Variants in PSG7 observed in about 807,000 individuals in gnomAD.
PSG7 encodes the protein pregnancy specific beta-1-glycoprotein 7, also known as pregnancy-specific beta-1-glycoprotein 7.
PSG7 carries 57 observed loss-of-function variants against 45.6 expected under a neutral mutation model. The observed-to-expected ratio is 1.25, with a 90% CI of 1.01 to 1.56. PSG7 has a LOEUF of 1.56. Ranked by LOEUF, PSG7 falls within the 40% of genes most tolerant of loss-of-function variation. PSG7 has a pLI of 0.00. For synonymous variants in PSG7, 298 were observed against 194.4 expected, an observed-to-expected ratio of 1.53 and a Z score of -4.43; for missense variants, 796 against 508.4, an observed-to-expected ratio of 1.57 and a Z score of -5.44.
Position 42,933,650 on chromosome 19 carries a change from G to A in PSG7, c.430+1754C>T, listed in dbSNP as rs948423521. 2.6e-4 allele frequency among the ~76,000 whole-genome samples: 39 copies of A among 150,798 alleles called. 2 individuals are homozygous for A. The highest frequency in any genetic ancestry group is 4.4e-5 in the Non-Finnish European group (3 of 67,738). On this transcript the variant is annotated intron_variant, in intron 2 of 5. Coordinates refer to ENST00000406070, the MANE Select transcript of PSG7 (RefSeq NM_002783.3). ...TGTCTGCGGAAGGCCTAGCAGTGGAGGAAGAAGCTGTGCAGGACAGGGCTT... is the reference window on the plus strand; with the variant it reads ...TGTCTGCGGAAGGCCTAGCAGTGGAAGAAGAAGCTGTGCAGGACAGGGCTT...
chr19:42,925,636 G>T, intron 5 of PSG7, 137 bp downstream of exon 5: 11 of 1,550,296 alleles, frequency 7.1e-6, no homozygotes, highest in South Asian at 1.3e-5. Context: ...AATTTGGAGG[G>T]TTCAGGAGGA....
chr19:42,926,140 G>A, intron 4 of PSG7, 113 bp from the exon 5 acceptor site: 2 of 1,497,298 alleles, frequency 1.3e-6, no homozygotes, highest in Non-Finnish European at 9.0e-7. Context: ...TCAAGTGACA[G>A]CCAAATCCCC....
chr19:42,924,525 T>C lies in PSG7; in HGVS notation c.*283A>G, dbSNP rs532290368. The C allele has an allele frequency of 6.8e-6, 4 of 588,980 alleles. No homozygotes were observed. The highest frequency in any genetic ancestry group is 3.0e-5 in the Admixed American group (1 of 33,454). 36.5% of individuals were successfully genotyped at this position (588,980 alleles called of 1,614,324 possible). A position where few individuals can be genotyped will look rare whatever the true frequency, so the allele number is the denominator to read the frequency against. ...CACAAGCAAGGACAGCTAAGAGGGG[T>C]GAGAGCCTCATCATGATGGGGAGTC... On this transcript the variant is annotated 3_prime_UTR_variant, in exon 6 of 6. Coordinates refer to ENST00000406070, the MANE Select transcript of PSG7 (RefSeq NM_002783.3).
rs1214914675 is a variant in PSG7, at chr19:42,936,959, A to G, written c.64+54T>C. On this transcript the variant is annotated intron_variant, in intron 1 of 5. Coordinates refer to ENST00000406070, the MANE Select transcript of PSG7 (RefSeq NM_002783.3). ...AACCCCATCCTCTCTAGGAGACCCC[A>G]TCCAGTCACTCTGCTTCCTTTTCCT... is the stretch of plus-strand genomic sequence containing the variant. 15 of 1,601,214 alleles carry G rather than the reference A, an allele frequency of 9.4e-6. No individual in the cohort carries two copies. The East Asian group carries it at 1.8e-4, about 19-fold the overall frequency.
intron 2 of PSG7, among the ~76,000 whole-genome samples, chr19:42,935,099 C>G (rs988492516): frequency 6.6e-6 from 1 of 151,792 alleles, no homozygotes; most frequent in African/African-American, 2.4e-5. Flanking sequence ...CAGGGTCTTT[C>G]TCAGGGTCAA....
chr19:42,927,050 A>C (rs931006160), intron 3 of PSG7: 34 of 383,058 alleles, frequency 8.9e-5, no homozygotes, highest in Admixed American at 2.4e-4. Flanking sequence ...CCCTGGGTTC[A>C]TTACCTGGAA....
In PSG7 at chr19:42,924,775, G is replaced by T. The variant is rs1441061792; in HGVS notation, c.*33C>A. ...TGGGTCTTGCTCTTTGAGGTTCCATGGGAGAAGATGGAATTGGAGGAACTA... is the reference window on the plus strand; with the variant it reads ...TGGGTCTTGCTCTTTGAGGTTCCATTGGAGAAGATGGAATTGGAGGAACTA... On this transcript the variant is annotated 3_prime_UTR_variant, in exon 6 of 6. Transcript: ENST00000406070. The T allele has an allele frequency of 1.4e-5, 11 of 767,458 alleles. 1 individual carries two copies. Among genetic ancestry groups the T allele is most frequent in the Non-Finnish European group, 2.4e-5 (10 of 417,412 alleles). The allele number at this position is 767,458 out of a possible 1,614,324, so 47.5% of individuals were successfully genotyped here. A position where few individuals can be genotyped will look rare whatever the true frequency, so the allele number is the denominator to read the frequency against.
chr19:42,928,704 C>T (rs1197038572), intron 3 of PSG7, among the ~76,000 whole-genome samples: 3 of 151,312 alleles, frequency 2.0e-5, no homozygotes, highest in Non-Finnish European at 2.9e-5. Flanking sequence ...CCCTCTCCCT[C>T]TGCAGAGGGC....
intron 1 of PSG7, chr19:42,936,444 C>G (rs77328151): frequency 6.5e-5 from 10 of 154,992 alleles, no homozygotes; most frequent in Non-Finnish European, 5.7e-5. Context: ...ATTTTTATTT[C>G]AAGTGTCATC....
At chr19:42,934,406 G>A (rs1973100893) in intron 2 of PSG7, among the ~76,000 whole-genome samples, 1 of 151,396 alleles carries the variant, frequency 6.6e-6, no homozygotes, top group African/African-American at 2.4e-5. Context: ...ATGGGCCTGT[G>A]GCTGCAGACA....
intron 2 of PSG7, among the ~76,000 whole-genome samples, chr19:42,932,117 G>A (rs567511648): frequency 7.3e-5 from 11 of 151,188 alleles, no homozygotes; most frequent in East Asian, 2.0e-4. Flanking sequence ...TCCGCCTCCC[G>A]GTTTCACTCC....
intron 3 of PSG7, 39 bp downstream of exon 3, chr19:42,929,403 G>T (rs1372156983): frequency 6.2e-7 from 1 of 1,611,904 alleles, no homozygotes; most frequent in South Asian, 1.1e-5. Flanking sequence ...GTGTATTTGG[G>T]ATGGCAGCCT....
In PSG7 at chr19:42,924,718, C is replaced by T. The variant is rs1600559755; in HGVS notation, c.*90G>A. On this transcript the variant is annotated 3_prime_UTR_variant, in exon 6 of 6. Transcript: ENST00000406070. ...CCCATGAAATTTACATTGAGTTGTCCAACTCTGACTTATAGGGCTTCTGGA... is the reference window on the plus strand; with the variant it reads ...CCCATGAAATTTACATTGAGTTGTCTAACTCTGACTTATAGGGCTTCTGGA... 1 of 766,496 alleles carries T rather than the reference C, an allele frequency of 1.3e-6. No homozygotes were observed. Among genetic ancestry groups the T allele is most frequent in the South Asian group, 1.4e-5 (1 of 74,038 alleles). 47.5% of individuals were successfully genotyped at this position (766,496 alleles called of 1,614,324 possible).
chr19:42,930,414 C>G (rs1188606127), intron 2 of PSG7, among the ~76,000 whole-genome samples: 2 of 151,584 alleles, frequency 1.3e-5, no homozygotes, highest in Non-Finnish European at 2.9e-5. Context: ...CAGGCAAGAG[C>G]TGATAGGTTT....
rs1314502856 is a variant in PSG7 at position 42,935,674 on chromosome 19, G to T, written c.160C>A (p.Leu54Ile). ...KVSEGKDVLLLVHNLPQNLTG... is the reference protein window; with the variant it reads ...KVSEGKDVLLIVHNLPQNLTG... Reference sequence around the variant, plus strand: ...AGATTCTGGGGCAAATTGTGGACAAGTAGAAGAACATCCTTCCCCTCGGAA... The same window carrying T: ...AGATTCTGGGGCAAATTGTGGACAATTAGAAGAACATCCTTCCCCTCGGAA... Residue 54 changes from leucine (L) to isoleucine (I), a missense_variant, in exon 2 of 6, where the codon CTT (leucine) becomes ATT (isoleucine). By Grantham distance (5) the Leu-to-Ile change is conservative. Transcript: ENST00000406070. 1.1e-5 allele frequency: 18 copies of T among 1,612,014 alleles called. 1 individual carries two copies. Among genetic ancestry groups the T allele is most frequent in the Non-Finnish European group, 1.5e-5 (18 of 1,179,134 alleles).
chr19:42,932,685 G>C (rs1029330232), intron 2 of PSG7, among the ~76,000 whole-genome samples: 2 of 151,412 alleles, frequency 1.3e-5, no homozygotes, highest in African/African-American at 4.9e-5. Context: ...GGAAGAATTT[G>C]GTTTATGGTT....
intron 2 of PSG7, among the ~76,000 whole-genome samples, chr19:42,933,501 G>T (rs1432677598): frequency 1.3e-5 from 2 of 148,484 alleles, no homozygotes; most frequent in African/African-American, 2.5e-5. Flanking sequence ...TCATTGGCTC[G>T]AGATGAAGCC....
rs185488999 is a variant in PSG7 at position 42,929,727 on chromosome 19, G to A, written c.431-7C>T. On this transcript the variant is annotated splice_polypyrimidine_tract_variant and splice_region_variant and intron_variant, in intron 2 of 5. Transcript: ENST00000406070. The stretch of plus-strand genomic sequence containing the variant: ...GAGGGTTTGGGAGTCTCCACTGTGC[G>A]GAAAACAGAGAGAAGATTGCCCTGT... The A allele has an allele frequency of 1.3e-3, 2,119 of 1,609,736 alleles. 50 individuals are homozygous for A. Among genetic ancestry groups the A allele is most frequent in the East Asian group, 5.3e-3 (236 of 44,780 alleles).
chr19:42,929,759 C>G, intron 2 of PSG7, 39 bp from the exon 3 acceptor site: 1 of 1,590,038 alleles, frequency 6.3e-7, no homozygotes, highest in Admixed American at 1.7e-5. Context: ...CTGTGTGGCA[C>G]CTTTGACTCC....
Sources: gnomAD v4.1 joint callset for allele counts (sites outside exome capture counted in the v4.1 genomes callset) on GRCh38, gnomAD v4.1.1 for gene constraint, MANE v1.5 for transcripts, NCBI Gene and HGNC (gene_info 2026-07-23, HGNC 2026-07-21) for gene names.